Variants in ANKRD16 observed in about 807,000 individuals in gnomAD.
ANKRD16 encodes ankyrin repeat domain 16.
Under a neutral mutation model 37.9 loss-of-function variants are expected in ANKRD16, and 35 were observed. The ratio of observed to expected loss-of-function variants is 0.92; its 90% CI spans 0.71 to 1.23. The LOEUF is 1.23. Ranked by LOEUF, ANKRD16 falls within the 50% of genes most tolerant of loss-of-function variation. ANKRD16 has a pLI of 0.00. For synonymous variants in ANKRD16, 206 were observed against 197.2 expected (o/e 1.04, Z -0.37); for missense variants, 480 against 469.9 (o/e 1.02, Z -0.20).
rs1374318495 is a variant in ANKRD16 at position 5,870,265 on chromosome 10, C to A, written c.*34-7574G>T. ...CTCCTCACCGACCCCTTCACGGAGG[C>A]CCCCAGTGCACCTGCGCAGTGAGGT... On this transcript the variant is annotated intron_variant, in intron 7 of 7. Transcript: ENST00000380094. This position sits in a 1 kb window ranked among gnomAD's most constrained non-coding sequence, Gnocchi z 5.0. Among the ~76,000 whole-genome samples the A allele has an allele frequency of 6.6e-6, 1 of 152,122 alleles. No individual in the cohort carries two copies. The highest frequency in any genetic ancestry group is 1.5e-5 in the Non-Finnish European group (1 of 68,030).
At chr10:5,888,297 G>A (rs953958244) in intron 1 of ANKRD16, among the ~76,000 whole-genome samples, 1 of 152,158 alleles carries the variant, frequency 6.6e-6, no homozygotes, top group Admixed American at 6.5e-5. Context: ...TAGAGGAGAG[G>A]GTGCCTGGGA....
In ANKRD16 at chr10:5,864,774, G is replaced by C. The variant is rs1442667120; in HGVS notation, c.*34-2083C>G. Among the ~76,000 whole-genome samples the C allele has an allele frequency of 6.6e-6, 1 of 152,128 alleles. No individual in the cohort carries two copies. The highest frequency in any genetic ancestry group is 1.5e-5 in the Non-Finnish European group (1 of 68,028). On this transcript the variant is annotated intron_variant, in intron 7 of 7. Coordinates refer to ENST00000380094, the MANE Select transcript of ANKRD16 (RefSeq NM_019046.3). This position sits in a 1 kb window ranked among gnomAD's most constrained non-coding sequence, Gnocchi z 4.4. ...TAAACATCTGCTGATCTGTGTTCTA[G>C]AAGGACAAAGGAGAATTAGGAAAAA...
rs1460127938 is a variant in ANKRD16, at chr10:5,871,584, G to A, written c.*33+6513C>T. Among the ~76,000 whole-genome samples, 1 of 152,018 alleles carries A rather than the reference G, an allele frequency of 6.6e-6. No homozygotes were observed. Among genetic ancestry groups the A allele is most frequent in the Non-Finnish European group, 1.5e-5 (1 of 68,000 alleles). On this transcript the variant is annotated intron_variant, in intron 7 of 7. Coordinates refer to ENST00000380094, the MANE Select transcript of ANKRD16 (RefSeq NM_019046.3). The surrounding 1 kb of genome is among the most constrained non-coding windows in gnomAD (Gnocchi z 4.5). ...CCTAGATACTGGCATTGAATGAGGC[G>A]CCCACGTGGGCTCTGCCCTGAACTT...
rs1479534458 is a variant in ANKRD16, at chr10:5,878,753, G to A, written c.929-466C>T. On this transcript the variant is annotated intron_variant, in intron 6 of 7. Transcript: ENST00000380094. The surrounding 1 kb of genome is among the most constrained non-coding windows in gnomAD (Gnocchi z 5.1). ...GTGGCGGTTGCAGTGAGCACTGCAC[G>A]CCAGCCTGGGTGACAGAGCAAGACT... Among the ~76,000 whole-genome samples the A allele has an allele frequency of 2.7e-5, 4 of 149,694 alleles. No individual in the cohort carries two copies. The highest frequency in any genetic ancestry group is 7.4e-5 in the African/African-American group (3 of 40,566).
intron 5 of ANKRD16, among the ~76,000 whole-genome samples, chr10:5,881,443 T>TATATATATAA: frequency 1.5e-4 from 1 of 6,492 alleles, no homozygotes; most frequent in Non-Finnish European, 4.3e-4. Flanking sequence ...ATTATTTATA[T>TATATATATAA]ATATATATAT....
Position 5,885,531 on chromosome 10 carries a change from C to T in ANKRD16, c.578+192G>A, listed in dbSNP as rs532647651. Among the ~76,000 whole-genome samples, 7 of 151,918 alleles carry T rather than the reference C, an allele frequency of 4.6e-5. 1 individual carries two copies. Among genetic ancestry groups the T allele is most frequent in the African/African-American group, 9.7e-5 (4 of 41,334 alleles). On this transcript the variant is annotated intron_variant, in intron 3 of 7. Coordinates refer to ENST00000380094, the MANE Select transcript of ANKRD16 (RefSeq NM_019046.3). Reference sequence around the variant, plus strand: ...AAAATAGAGAAATGGATGATTTTGCCGCTGAAAACATTTTCCCCAGATATT... The same window carrying T: ...AAAATAGAGAAATGGATGATTTTGCTGCTGAAAACATTTTCCCCAGATATT...
intron 7 of ANKRD16, among the ~76,000 whole-genome samples, chr10:5,877,582 A>G (rs189349351): frequency 4.6e-5 from 7 of 152,368 alleles, no homozygotes; most frequent in Admixed American, 3.3e-4. Flanking sequence ...TAAACAGATT[A>G]TAAGTATGTC....
Position 5,883,176 on chromosome 10 carries a change from CAGAGG to C in ANKRD16, c.688-14_688-10del. On this transcript the variant is annotated splice_polypyrimidine_tract_variant and intron_variant, in intron 4 of 7. Transcript: ENST00000380094. ...TCTGCTGAAAGGCAAGCCTAGTGGGCAGAGGAGAGAAAGGAGCAAAGGTCAAAGAT... is the reference window on the plus strand; with the variant it reads ...TCTGCTGAAAGGCAAGCCTAGTGGGCAGAGAAAGGAGCAAAGGTCAAAGAT... The C allele has an allele frequency of 6.2e-7, 1 of 1,612,374 alleles. No homozygotes were observed. The highest frequency in any genetic ancestry group is 1.1e-5 in the South Asian group (1 of 90,962).
At chr10:5,872,789 C>T (rs1365609875) in intron 7 of ANKRD16, among the ~76,000 whole-genome samples, 1 of 151,894 alleles carries the variant, frequency 6.6e-6, no homozygotes, top group East Asian at 2.0e-4. Context: ...ATTTCCTGAC[C>T]TCGTGATCTG....
intron 4 of ANKRD16, 126 bp from the exon 5 acceptor site, chr10:5,883,293 T>C (rs1842351435): frequency 3.1e-6 from 3 of 954,340 alleles, no homozygotes; most frequent in South Asian, 1.8e-5. Flanking sequence ...GCAGAGGATA[T>C]GTGGCTTTTG....
chr10:5,863,843 T>C lies in ANKRD16; in HGVS notation c.*34-1152A>G, dbSNP rs1841976204. ...ACTCACTGCGAGGTCCACGGCTTCA[T>C]TGTTGAAGTCAGTGAGACCAAGAAC... On this transcript the variant is annotated intron_variant, in intron 7 of 7. Transcript: ENST00000380094. The surrounding 1 kb of genome is among the most constrained non-coding windows in gnomAD (Gnocchi z 4.7). Among the ~76,000 whole-genome samples, 1 of 152,130 alleles carries C rather than the reference T, an allele frequency of 6.6e-6. No individual in the cohort carries two copies. The highest frequency in any genetic ancestry group is 1.5e-5 in the Non-Finnish European group (1 of 68,030).
rs1275689725 is a variant in ANKRD16, at chr10:5,889,425, G to A, written c.-71C>T. 4 of 1,085,890 alleles carry A rather than the reference G, an allele frequency of 3.7e-6. No individual in the cohort carries two copies. The East Asian group carries it at 1.3e-4, about 36-fold the overall frequency. 67.3% of individuals were successfully genotyped at this position (1,085,890 alleles called of 1,614,324 possible). On this transcript the variant is annotated 5_prime_UTR_variant, in exon 1 of 8. Coordinates refer to ENST00000380094, the MANE Select transcript of ANKRD16 (RefSeq NM_019046.3). The stretch of plus-strand genomic sequence containing the variant: ...ACCGGCGGCCGGGCAGGGAGAAGCC[G>A]AGGGCGAGTGGGACTTTCCGCCTCT...
At chr10:5,883,532 T>C (rs1886057) in intron 4 of ANKRD16, among the ~76,000 whole-genome samples, 67,211 of 151,968 alleles carry the variant, frequency 0.44, 15,343 homozygotes, top group Middle Eastern at 0.51. Flanking sequence ...TGACCTTAGA[T>C]GACCCACCCG....
rs1441136182 is a variant in ANKRD16 at position 5,870,370 on chromosome 10, C to T, written c.*34-7679G>A. The stretch of plus-strand genomic sequence containing the variant: ...GGCCTCTCTTCCCTGCGACTCTGCC[C>T]GGGCACCAGCCAGTCCTCATTCCCT... On this transcript the variant is annotated intron_variant, in intron 7 of 7. Transcript: ENST00000380094. This position sits in a 1 kb window ranked among gnomAD's most constrained non-coding sequence, Gnocchi z 5.0. Among the ~76,000 whole-genome samples the T allele has an allele frequency of 1.3e-5, 2 of 151,426 alleles. No individual in the cohort carries two copies. Among genetic ancestry groups the T allele is most frequent in the Non-Finnish European group, 2.9e-5 (2 of 67,926 alleles).
In ANKRD16 at chr10:5,870,569, T is replaced by G. The variant is rs1352861820; in HGVS notation, c.*33+7528A>C. ...CAGGCACACCACGCCCAGCTAATTT[T>G]TTGTATTTTTTGTAGAGGCAGGGTC... is the stretch of plus-strand genomic sequence containing the variant. On this transcript the variant is annotated intron_variant, in intron 7 of 7. Coordinates refer to ENST00000380094, the MANE Select transcript of ANKRD16 (RefSeq NM_019046.3). This position sits in a 1 kb window ranked among gnomAD's most constrained non-coding sequence, Gnocchi z 5.0. 6.6e-6 allele frequency among the ~76,000 whole-genome samples: 1 copy of G among 152,128 alleles called. No homozygotes were observed. The highest frequency in any genetic ancestry group is 1.5e-5 in the Non-Finnish European group (1 of 68,016).
chr10:5,875,913 T>G (rs559193889), intron 7 of ANKRD16, among the ~76,000 whole-genome samples: 84 of 151,974 alleles, frequency 5.5e-4, no homozygotes, highest in Non-Finnish European at 1.1e-3. Flanking sequence ...AGATGGAGTC[T>G]TGCTCTGTCA....
rs557822446 is a variant in ANKRD16 at position 5,865,953 on chromosome 10, G to A, written c.*34-3262C>T. ...CTCATGGGACAACCCCACAACCAGT[G>A]GCATACCTAAGTAAGGAAACTGATA... On this transcript the variant is annotated intron_variant, in intron 7 of 7. Transcript: ENST00000380094. The surrounding 1 kb of genome is among the most constrained non-coding windows in gnomAD (Gnocchi z 4.7). Among the ~76,000 whole-genome samples, 2 of 152,268 alleles carry A rather than the reference G, an allele frequency of 1.3e-5. No homozygotes were observed. The highest frequency in any genetic ancestry group is 3.9e-4 in the East Asian group (2 of 5,186).
chr10:5,881,834 C>T (rs1323783413), intron 5 of ANKRD16, among the ~76,000 whole-genome samples: 1 of 151,710 alleles, frequency 6.6e-6, no homozygotes, highest in Non-Finnish European at 1.5e-5. Flanking sequence ...ACTACAGGCA[C>T]CTGCCACCAT....
chr10:5,887,082 A>G (rs1408173401), intron 2 of ANKRD16, among the ~76,000 whole-genome samples: 1 of 152,216 alleles, frequency 6.6e-6, no homozygotes, highest in Admixed American at 6.5e-5. Flanking sequence ...ATTTTGTGCT[A>G]TGTGCCAAGC....
Sources: allele counts gnomAD v4.1 joint callset (sites outside exome capture counted in the v4.1 genomes callset), GRCh38; gene constraint gnomAD v4.1.1; non-coding constraint Gnocchi (gnomAD v3.1); transcripts MANE v1.5; gene names NCBI Gene and HGNC (gene_info 2026-07-23, HGNC 2026-07-21).